The following DCDC1 variants were observed in gnomAD, a reference collection of about 807,000 sequenced individuals.
DCDC1 encodes doublecortin domain-containing protein 1.
A neutral mutation model predicts 178.3 loss-of-function variants in DCDC1; 200 were observed. The observed-to-expected ratio is 1.12, with a 90% CI of 1.00 to 1.26. The LOEUF is 1.26. Among genes scored for constraint, DCDC1 ranks in the 50% most tolerant of loss-of-function variants. DCDC1 has a pLI of 0.00. For missense variants in DCDC1, 1,983 were observed against 1,749.2 expected, an observed-to-expected ratio of 1.13 and a Z score of -2.38; for synonymous variants, 690 against 604.8, an observed-to-expected ratio of 1.14 and a Z score of -2.07.
At chr11:31,081,089 G>A (rs1161058999) in intron 17 of DCDC1, among the ~76,000 whole-genome samples, 1 of 152,188 alleles carries the variant, frequency 6.6e-6, no homozygotes, top group Non-Finnish European at 1.5e-5. Flanking sequence ...TGTGAGGGCA[G>A]AGACCATGTA....
intron 9 of DCDC1, among the ~76,000 whole-genome samples, chr11:31,213,386 G>A (rs749493617): frequency 3.3e-5 from 5 of 151,750 alleles, no homozygotes; most frequent in African/African-American, 4.8e-5. Flanking sequence ...ATCTAAAGTA[G>A]GAGTATTAAA....
At chr11:31,025,498 G>A (rs1021740899) in intron 20 of DCDC1, among the ~76,000 whole-genome samples, 5 of 151,778 alleles carry the variant, frequency 3.3e-5, no homozygotes. Context: ...CTTGAGCACA[G>A]AGGAGTAAAA....
chr11:31,284,720 C>G (rs1946692557), intron 7 of DCDC1, among the ~76,000 whole-genome samples: 1 of 151,738 alleles, frequency 6.6e-6, no homozygotes, highest in African/African-American at 2.4e-5. Flanking sequence ...CTCACTGCAG[C>G]CTCTGCCTCT....
intron 38 of DCDC1, among the ~76,000 whole-genome samples, chr11:30,877,251 A>G (rs557544441): frequency 7.2e-5 from 11 of 152,148 alleles, no homozygotes; most frequent in African/African-American, 2.2e-4. Flanking sequence ...GCATCACATT[A>G]AAGTGGAGGA....
chr11:31,187,048 A>G (rs1236796238), intron 9 of DCDC1, among the ~76,000 whole-genome samples: 2 of 151,874 alleles, frequency 1.3e-5, no homozygotes, highest in Non-Finnish European at 2.9e-5. Flanking sequence ...ATTTTCATTC[A>G]CTTCCTGATA....
intron 9 of DCDC1, among the ~76,000 whole-genome samples, chr11:31,192,754 A>C (rs1171295891): frequency 1.3e-5 from 2 of 152,060 alleles, no homozygotes; most frequent in East Asian, 3.9e-4. Flanking sequence ...TTATGTGTCC[A>C]CTTGAGTGGG....
chr11:31,128,569 G>C (rs113586798), intron 10 of DCDC1, among the ~76,000 whole-genome samples: 2,776 of 152,190 alleles, frequency 0.018, 42 homozygotes, highest in Non-Finnish European at 0.028. Flanking sequence ...CCTCATCTGT[G>C]ATTCTTCAAA....
chr11:30,890,444 C>A (rs1251479901), intron 36 of DCDC1, among the ~76,000 whole-genome samples: 1 of 152,172 alleles, frequency 6.6e-6, no homozygotes, highest in East Asian at 1.9e-4. Flanking sequence ...CATCAGAGTT[C>A]CTGATTGATT....
chr11:31,218,277 C>T (rs1973827692), intron 9 of DCDC1, among the ~76,000 whole-genome samples: 1 of 152,030 alleles, frequency 6.6e-6, no homozygotes, highest in Admixed American at 6.6e-5. Flanking sequence ...TGATAATACA[C>T]ATTGGTATAA....
chr11:31,105,765 C>A, intron 13 of DCDC1, among the ~76,000 whole-genome samples: 1 of 152,040 alleles, frequency 6.6e-6, no homozygotes, highest in Middle Eastern at 3.4e-3. Flanking sequence ...CTTCCAAAAC[C>A]TTGATGGATT....
At chr11:31,255,970 T>G (rs1026958341) in intron 8 of DCDC1, among the ~76,000 whole-genome samples, 4 of 152,218 alleles carry the variant, frequency 2.6e-5, no homozygotes, top group African/African-American at 4.8e-5. Flanking sequence ...TTTATTTAGA[T>G]TGCTGATCCA....
chr11:31,151,990 G>C (rs926191096), intron 9 of DCDC1, among the ~76,000 whole-genome samples: 4 of 152,072 alleles, frequency 2.6e-5, no homozygotes, highest in Non-Finnish European at 5.9e-5. Flanking sequence ...ATGTGGTAAT[G>C]GACATGTTAA....
intron 36 of DCDC1, among the ~76,000 whole-genome samples, chr11:30,888,187 GAAGAGAGAGA>G (rs1565030735): frequency 6.7e-6 from 1 of 149,928 alleles, no homozygotes; most frequent in African/African-American, 2.4e-5. Flanking sequence ...AGAAAGGAAG[GAAGAGAGAGA>G]AAGAAAGAGA....
At chr11:31,083,103 G>A (rs566875175) in intron 17 of DCDC1, among the ~76,000 whole-genome samples, 6 of 152,130 alleles carry the variant, frequency 3.9e-5, no homozygotes, top group African/African-American at 9.7e-5. Flanking sequence ...TTAAAGCAGC[G>A]TGTGTTTTTA....
intron 21 of DCDC1, among the ~76,000 whole-genome samples, chr11:30,947,799 A>G (rs1334928458): frequency 6.6e-6 from 1 of 152,160 alleles, no homozygotes; most frequent in African/African-American, 2.4e-5. Context: ...ATGGAAGAAA[A>G]TATTTGCAAA....
chr11:31,148,796 A>C (rs1964785609), intron 9 of DCDC1, among the ~76,000 whole-genome samples: 1 of 151,868 alleles, frequency 6.6e-6, no homozygotes, highest in Non-Finnish European at 1.5e-5. Context: ...TTTCGGTTAC[A>C]TGGATAAGTT....
At chr11:31,281,942 T>C (rs746652219) in intron 7 of DCDC1, among the ~76,000 whole-genome samples, 50 of 152,250 alleles carry the variant, frequency 3.3e-4, no homozygotes, top group Non-Finnish European at 6.2e-4. Flanking sequence ...ACACCAACTT[T>C]GCATTCCTGG....
intron 30 of DCDC1, 145 bp from the exon 31 acceptor site, chr11:30,905,309 C>T (rs1233580261): frequency 1.1e-6 from 1 of 889,684 alleles, no homozygotes; most frequent in Non-Finnish European, 1.7e-6. Context: ...ATATTGAATA[C>T]TAGAGCCGGA....
chr11:30,931,826 T>G lies in DCDC1; in HGVS notation c.2842A>C (p.Lys948Gln), dbSNP rs1386413847. The G allele has an allele frequency of 1.9e-6, 3 of 1,613,038 alleles. No individual in the cohort carries two copies. The highest frequency in any genetic ancestry group is 2.5e-6 in the Non-Finnish European group (3 of 1,179,344). Residue 948 changes from lysine (K) to glutamine (Q), a missense_variant, in exon 22 of 39, where the codon AAA (lysine) becomes CAA (glutamine). Transcript: ENST00000684477. ...CCAAGGATAGTAACGGATCTGTTTTTATTCTTCTCTCCATTCTGCAAAACT... is the reference window on the plus strand; with the variant it reads ...CCAAGGATAGTAACGGATCTGTTTTGATTCTTCTCTCCATTCTGCAAAACT... Reference protein sequence around the residue: ...LRVLQNGEKNKNRSVTILGPD... With the variant: ...LRVLQNGEKNQNRSVTILGPD...
Sources: gnomAD v4.1 joint callset for allele counts (sites outside exome capture counted in the v4.1 genomes callset) on GRCh38, gnomAD v4.1.1 for gene constraint, MANE v1.5 for transcripts, NCBI Gene and HGNC (gene_info 2026-07-23, HGNC 2026-07-21) for gene names.